NPAS3: variants seen among roughly 807,000 people sequenced by gnomAD.
NPAS3 encodes neuronal PAS domain protein 3, also known as neuronal PAS domain-containing protein 3.
Under a neutral mutation model 73.1 loss-of-function variants are expected in NPAS3, and 14 were observed. The ratio of observed to expected loss-of-function variants is 0.19; its 90% CI spans 0.13 to 0.30. The LOEUF (loss-of-function observed/expected upper bound fraction) is 0.30. NPAS3 is among the 10% of genes least tolerant of loss of function. The probability of loss-of-function intolerance (pLI) is 1.00; values close to 1 mark genes in which losing one functional copy is unlikely to be tolerated. For missense variants in NPAS3, 1,096 were observed against 1,250.0 expected, an observed-to-expected ratio of 0.88 and a Z score of 1.86; for synonymous variants, 620 against 541.5, an observed-to-expected ratio of 1.14 and a Z score of -2.01.
rs150103925 is a variant in NPAS3 at position 33,792,613 on chromosome 14, T to C, written c.1154-1284T>C. Among the ~76,000 whole-genome samples the C allele has an allele frequency of 3.6e-3, 553 of 151,864 alleles. 6 individuals are homozygous for C. Among genetic ancestry groups the C allele is most frequent in the African/African-American group, 0.013 (519 of 41,352 alleles). ...AAAAAAAAAAAAAATCTAAATGTAC[T>C]TCATGAAACTGTTGTATATGAAGCA... is the stretch of plus-strand genomic sequence containing the variant. On this transcript the variant is annotated intron_variant, in intron 9 of 11. Coordinates refer to ENST00000356141, the Ensembl canonical transcript of NPAS3.
At chr14:33,255,229 A>G (rs1342099139) in intron 3 of NPAS3, among the ~76,000 whole-genome samples, 1 of 152,176 alleles carries the variant, frequency 6.6e-6, no homozygotes, top group African/African-American at 2.4e-5. Context: ...TGGATAGTAT[A>G]TGAACAGAAT....
intron 4 of NPAS3, among the ~76,000 whole-genome samples, chr14:33,486,759 G>A (rs2139772103): frequency 6.6e-6 from 1 of 152,308 alleles, no homozygotes; most frequent in Non-Finnish European, 1.5e-5. Context: ...CAGGCCTGGG[G>A]ACTCCTGCTT....
intron 1 of NPAS3, among the ~76,000 whole-genome samples, chr14:33,008,527 C>G (rs760120221): frequency 1.3e-5 from 2 of 151,954 alleles, no homozygotes; most frequent in African/African-American, 4.8e-5. Context: ...TGTGAAATCA[C>G]GAAATTTAAA....
rs905834895 is a variant in NPAS3 at position 33,470,098 on chromosome 14, C to T, written c.469-90023C>T. Among the ~76,000 whole-genome samples, 3 of 152,140 alleles carry T rather than the reference C, an allele frequency of 2.0e-5. No individual in the cohort carries two copies. In the East Asian group the frequency reaches 5.8e-4, roughly 29 times the overall value. ...GTGGTCTCTCCACGTGACTATTTGG[C>T]CTCCTCACAGCATGGTGGCTAACTT... On this transcript the variant is annotated intron_variant, in intron 4 of 11. Coordinates refer to ENST00000356141, the Ensembl canonical transcript of NPAS3.
At chr14:33,310,006 G>T (rs2042933936) in intron 3 of NPAS3, among the ~76,000 whole-genome samples, 1 of 152,118 alleles carries the variant, frequency 6.6e-6, no homozygotes, top group Non-Finnish European at 1.5e-5. Flanking sequence ...GTATGATCCA[G>T]TTTGTTTTCA....
chr14:33,250,248 A>G (rs967833918), intron 3 of NPAS3, among the ~76,000 whole-genome samples: 2 of 152,132 alleles, frequency 1.3e-5, no homozygotes, highest in African/African-American at 4.8e-5. Context: ...GAAATTGCTA[A>G]GAAAACCTAG....
chr14:33,165,294 G>A (rs536166201), intron 2 of NPAS3, among the ~76,000 whole-genome samples: 57 of 151,636 alleles, frequency 3.8e-4, no homozygotes, highest in African/African-American at 1.4e-3. Flanking sequence ...TCTCTGGTTG[G>A]ACTATGGTGT....
intron 4 of NPAS3, among the ~76,000 whole-genome samples, chr14:33,493,727 A>G (rs1428885956): frequency 1.3e-5 from 2 of 152,118 alleles, no homozygotes; most frequent in Non-Finnish European, 2.9e-5. Context: ...TAAAATAAAA[A>G]CTGTGCTCCC....
chr14:33,079,501 A>G (rs1438519104), intron 2 of NPAS3, among the ~76,000 whole-genome samples: 6 of 149,472 alleles, frequency 4.0e-5, no homozygotes, highest in African/African-American at 1.5e-4. Context: ...TATTTTTAGT[A>G]GAGATGGGGT....
chr14:33,313,575 T>C (rs1403026973), intron 3 of NPAS3, among the ~76,000 whole-genome samples: 1 of 152,078 alleles, frequency 6.6e-6, no homozygotes, highest in Non-Finnish European at 1.5e-5. Context: ...TATAAAATTG[T>C]TATAGTGTTA....
intron 9 of NPAS3, chr14:33,780,972 A>C (rs1358172729): frequency 5.2e-6 from 1 of 191,698 alleles, no homozygotes. Context: ...CATACACATG[A>C]CTTCTAATTT....
At chr14:33,504,933 G>A (rs542013928) in intron 4 of NPAS3, among the ~76,000 whole-genome samples, 3 of 152,114 alleles carry the variant, frequency 2.0e-5, no homozygotes, top group Admixed American at 6.6e-5. Flanking sequence ...AAAAGAAATG[G>A]GGAGAGAAAA....
At chr14:33,133,867 A>G (rs117535066) in intron 2 of NPAS3, among the ~76,000 whole-genome samples, 3,207 of 152,322 alleles carry the variant, frequency 0.021, 58 homozygotes, top group Middle Eastern at 0.041. Context: ...AGTCCATCAA[A>G]GAAAATTTCT....
intron 2 of NPAS3, among the ~76,000 whole-genome samples, chr14:33,104,098 T>A (rs2042654033): frequency 6.6e-6 from 1 of 152,130 alleles, no homozygotes. Flanking sequence ...TCTGTATGGG[T>A]ATCAGCTACA....
chr14:33,125,015 A>T (rs2043374265), intron 2 of NPAS3, among the ~76,000 whole-genome samples: 1 of 152,086 alleles, frequency 6.6e-6, no homozygotes, highest in South Asian at 2.1e-4. Flanking sequence ...CATTGACAGG[A>T]TGATAGGAAA....
chr14:33,088,800 A>G (rs1397004591), intron 2 of NPAS3, among the ~76,000 whole-genome samples: 3 of 152,164 alleles, frequency 2.0e-5, no homozygotes, highest in Non-Finnish European at 4.4e-5. Context: ...GACACCTCAC[A>G]TGGCCGGTTA....
chr14:33,511,780 A>G (rs1180531402), intron 4 of NPAS3, among the ~76,000 whole-genome samples: 1 of 152,104 alleles, frequency 6.6e-6, no homozygotes, highest in Admixed American at 6.6e-5. Context: ...CTTGTATAGA[A>G]AGAATGAATT....
rs182363081 is a variant in NPAS3 at position 33,306,949 on chromosome 14, A to G, written c.386-60237A>G. ...CAGAGTAAGCACTCTGGAAGAAGCA[A>G]ACGAGGCCTCCTCTGAGAAGACCTT... is the stretch of plus-strand genomic sequence containing the variant. On this transcript the variant is annotated intron_variant, in intron 3 of 11. Transcript: ENST00000356141. 3.9e-4 allele frequency among the ~76,000 whole-genome samples: 59 copies of G among 152,278 alleles called. 1 individual carries two copies. Among genetic ancestry groups the G allele is most frequent in the Admixed American group, 2.0e-3 (30 of 15,296 alleles).
intron 8 of NPAS3, among the ~76,000 whole-genome samples, chr14:33,776,153 T>C (rs949832522): frequency 2.6e-5 from 4 of 152,046 alleles, no homozygotes; most frequent in African/African-American, 9.7e-5. Context: ...TATGTACCCA[T>C]GAAAGAACCA....
Sources: gnomAD v4.1 joint callset for allele counts (sites outside exome capture counted in the v4.1 genomes callset) on GRCh38, gnomAD v4.1.1 for gene constraint, MANE v1.5 for transcripts, NCBI Gene and HGNC (gene_info 2026-07-23, HGNC 2026-07-21) for gene names.